The following SLC18B1 variants were observed in gnomAD, a reference collection of about 807,000 sequenced individuals.
The protein encoded by SLC18B1 is solute carrier family 18 member B1, also known as MFS-type transporter SLC18B1.
A neutral mutation model predicts 53.9 loss-of-function variants in SLC18B1; 62 were observed. The observed-to-expected ratio is 1.15, with a 90% CI of 0.94 to 1.42. SLC18B1 has a LOEUF of 1.42. SLC18B1 is among the 40% of genes most tolerant of loss of function. The pLI, the probability that SLC18B1 is intolerant of heterozygous loss-of-function variation, is 0.00. For missense variants in SLC18B1, 598 were observed against 547.3 expected (o/e 1.09, Z -0.93); for synonymous variants, 217 against 200.9 (o/e 1.08, Z -0.68).
At chr6:132,792,353 A>AAGGG (rs200884748) in intron 2 of SLC18B1, among the ~76,000 whole-genome samples, 4 of 116,072 alleles carry the variant, frequency 3.4e-5, no homozygotes, top group African/African-American at 9.9e-5. Context: ...GGAAGGAAGG[A>AAGGG]AGGGAAAGAA....
rs889336107 is a variant in SLC18B1 at position 132,774,202 on chromosome 6, C to A, written c.989+20G>T. On this transcript the variant is annotated intron_variant, in intron 9 of 13. Transcript: ENST00000275227. ...TCCTAATGTTATTTGGCCAAACATA[C>A]AGAAGAAGAAAAAAATTACCTTTTA... 6 of 1,572,438 alleles carry A rather than the reference C, an allele frequency of 3.8e-6. No individual in the cohort carries two copies. Among genetic ancestry groups the A allele is most frequent in the Middle Eastern group, 1.7e-4 (1 of 5,914 alleles).
intron 11 of SLC18B1, among the ~76,000 whole-genome samples, chr6:132,771,753 T>C (rs1780979685): frequency 6.6e-6 from 1 of 152,172 alleles, no homozygotes; most frequent in Admixed American, 6.5e-5. Context: ...TTCATCAACA[T>C]CAAGCAGGGA....
chr6:132,770,999 A>G (rs1340928312), intron 12 of SLC18B1, 37 bp downstream of exon 12: 1 of 1,610,706 alleles, frequency 6.2e-7, no homozygotes, highest in African/African-American at 1.3e-5. Flanking sequence ...TTTTCCACAA[A>G]TATAAGGAAA....
At chr6:132,798,093 A>C (rs1232208287) in intron 1 of SLC18B1, among the ~76,000 whole-genome samples, 2 of 152,258 alleles carry the variant, frequency 1.3e-5, no homozygotes, top group East Asian at 3.8e-4. Flanking sequence ...GTTAAAAAGA[A>C]AGGCAACAAC....
At position 132,798,423 on chromosome 6, in the gene SLC18B1, C is replaced by G. The variant is rs1012998080; in HGVS notation, c.34G>C (p.Ala12Pro). 9 of 1,534,376 alleles carry G rather than the reference C, an allele frequency of 5.9e-6. No individual in the cohort carries two copies. The Admixed American group carries it at 1.2e-4, about 21-fold the overall frequency. The stretch of plus-strand genomic sequence containing the variant: ...CGCAATTCATGGTCACCTCCTGGTG[C>G]GCGTGGTCCCTCCAGGTCACCCAGC... ...EALGDLEGPR[A>P]PGGDDPAGSA... Residue 12 changes from alanine (A) to proline (P), a missense_variant, in exon 1 of 14, where the codon GCA (alanine) becomes CCA (proline). By Grantham distance (27) the Ala-to-Pro change is conservative (BLOSUM62 -1). Coordinates refer to ENST00000275227, the MANE Select transcript of SLC18B1 (RefSeq NM_052831.3).
chr6:132,771,200 G>T (rs1196854954), intron 11 of SLC18B1, 71 bp from the exon 12 acceptor site: 4 of 1,358,740 alleles, frequency 2.9e-6, no homozygotes, highest in African/African-American at 2.9e-5. Flanking sequence ...AAAGCTACAT[G>T]ATCCTTCAAT....
intron 8 of SLC18B1, 77 bp downstream of exon 8, chr6:132,776,251 G>C: frequency 8.9e-7 from 1 of 1,122,076 alleles, no homozygotes. Context: ...TGGAATCCTA[G>C]AGTTCCAAAG....
intron 7 of SLC18B1, among the ~76,000 whole-genome samples, chr6:132,778,258 G>C (rs1008225241): frequency 6.6e-6 from 1 of 152,102 alleles, no homozygotes; most frequent in South Asian, 2.1e-4. Context: ...GGATGTATAC[G>C]TGCAGGTCAC....
intron 8 of SLC18B1, among the ~76,000 whole-genome samples, chr6:132,774,854 T>C (rs1187762065): frequency 6.6e-6 from 1 of 151,912 alleles, no homozygotes; most frequent in East Asian, 1.9e-4. Context: ...GAGGTTGCAG[T>C]GAGCCAAGAT....
chr6:132,774,439 C>A, intron 8 of SLC18B1, 126 bp from the exon 9 acceptor site: 1 of 625,790 alleles, frequency 1.6e-6, no homozygotes, highest in Non-Finnish European at 2.7e-6. Flanking sequence ...ATGAAGAAAA[C>A]AAAACTTTAC....
chr6:132,778,858 T>C lies in SLC18B1; in HGVS notation c.795+410A>G, dbSNP rs1462289324. 3.3e-5 allele frequency among the ~76,000 whole-genome samples: 5 copies of C among 152,276 alleles called. No homozygotes were observed. In the East Asian group the frequency reaches 9.7e-4, roughly 29 times the overall value. ...AGTCATTTGATTATATGAAGCAGCT[T>C]AAAAAGTAAGTGGACCCAGGGGGGA... On this transcript the variant is annotated intron_variant, in intron 7 of 13. Transcript: ENST00000275227.
intron 7 of SLC18B1, 84 bp downstream of exon 7, chr6:132,779,184 G>A (rs1781168051): frequency 3.3e-6 from 5 of 1,516,334 alleles, no homozygotes; most frequent in Non-Finnish European, 4.5e-6. Flanking sequence ...CCACGCAAGG[G>A]TCTTTCCACA....
At chr6:132,777,510 G>C (rs535289858) in intron 7 of SLC18B1, among the ~76,000 whole-genome samples, 6 of 152,170 alleles carry the variant, frequency 3.9e-5, no homozygotes, top group Admixed American at 3.9e-4. Flanking sequence ...TCAGGAGATC[G>C]AGACCATCCT....
At position 132,779,391 on chromosome 6, in the gene SLC18B1, A is replaced by G. The variant is rs1466398333; in HGVS notation, c.672T>C (p.Gly224=). 3 of 1,608,800 alleles carry G rather than the reference A, an allele frequency of 1.9e-6. No individual in the cohort carries two copies. Among genetic ancestry groups the G allele is most frequent in the Non-Finnish European group, 2.6e-6 (3 of 1,175,734 alleles). Residue 224 remains glycine, a synonymous_variant, in exon 7 of 14, where the codon GGT becomes GGC. Coordinates refer to ENST00000275227, the MANE Select transcript of SLC18B1 (RefSeq NM_052831.3). ...YILPNYESDP[G]EHSFWKLIAL... is the part of the protein sequence containing the mutation. The stretch of plus-strand genomic sequence containing the variant: ...CGATCAGTTTCCAGAATGAGTGTTC[A>G]CCTGGATCAGACTCTTTAGGGAAAA...
At chr6:132,775,264 A>G (rs1781071171) in intron 8 of SLC18B1, among the ~76,000 whole-genome samples, 1 of 152,346 alleles carries the variant, frequency 6.6e-6, no homozygotes, top group South Asian at 2.1e-4. Context: ...AATCTTGGAC[A>G]TGTCGGTCTC....
At chr6:132,773,519 T>C (rs1781029387) in intron 9 of SLC18B1, among the ~76,000 whole-genome samples, 1 of 152,212 alleles carries the variant, frequency 6.6e-6, no homozygotes, top group African/African-American at 2.4e-5. Flanking sequence ...ATTTGTTCCA[T>C]GTGAGGAGAC....
chr6:132,772,538 A>G (rs1781003157), intron 10 of SLC18B1, among the ~76,000 whole-genome samples: 1 of 152,174 alleles, frequency 6.6e-6, no homozygotes, highest in Non-Finnish European at 1.5e-5. Flanking sequence ...CTTTTAAAAA[A>G]CAGAGATAGT....
rs749745527 is a variant in SLC18B1 at position 132,771,027 on chromosome 6, A to G, written c.1254+9T>C. 6.2e-7 allele frequency: 1 copy of G among 1,611,642 alleles called. No individual in the cohort carries two copies. Among genetic ancestry groups the G allele is most frequent in the Non-Finnish European group, 8.5e-7 (1 of 1,179,418 alleles). ...TAAGGAAAATGCAAATAAAAGACTG[A>G]TTACTCACACTTATCAGAGCCCATA... On this transcript the variant is annotated intron_variant, in intron 12 of 13. Transcript: ENST00000275227.
intron 1 of SLC18B1, among the ~76,000 whole-genome samples, 163 bp from the exon 2 acceptor site, chr6:132,797,284 T>C (rs913492879): frequency 6.6e-6 from 1 of 152,242 alleles, no homozygotes; most frequent in Non-Finnish European, 1.5e-5. Context: ...ACAATCCTTG[T>C]ACATTACTGC....
Sources: allele counts gnomAD v4.1 joint callset (sites outside exome capture counted in the v4.1 genomes callset), GRCh38; gene constraint gnomAD v4.1.1; transcripts MANE v1.5; gene names NCBI Gene and HGNC (gene_info 2026-07-23, HGNC 2026-07-21).